The following GRK5 variants were observed in gnomAD, a reference collection of about 807,000 sequenced individuals.
The protein encoded by GRK5 is G protein-coupled receptor kinase 5.
A neutral mutation model predicts 78.4 loss-of-function variants in GRK5; 40 were observed. The observed-to-expected ratio is 0.51, with a 90% CI of 0.40 to 0.66. The LOEUF is 0.66. Among genes scored for constraint, GRK5 ranks in the 30% least tolerant of loss-of-function variants. GRK5 has a pLI of 0.00. For missense variants in GRK5, 598 were observed against 759.9 expected, an observed-to-expected ratio of 0.79 and a Z score of 2.50; for synonymous variants, 289 against 296.8, an observed-to-expected ratio of 0.97 and a Z score of 0.27.
intron 1 of GRK5, among the ~76,000 whole-genome samples, chr10:119,246,956 G>A (rs996313180): frequency 3.9e-5 from 6 of 152,286 alleles, no homozygotes; most frequent in Middle Eastern, 3.4e-3. Context: ...GCCTCGCTGA[G>A]AGCCTCTTGG....
chr10:119,387,820 C>A (rs1303774824), intron 3 of GRK5, among the ~76,000 whole-genome samples: 1 of 152,188 alleles, frequency 6.6e-6, no homozygotes, highest in East Asian at 1.9e-4. Flanking sequence ...TCACCCAGGG[C>A]ACATTTATGG....
chr10:119,375,789 C>A (rs560449170), intron 2 of GRK5, among the ~76,000 whole-genome samples: 93 of 152,258 alleles, frequency 6.1e-4, no homozygotes, highest in Non-Finnish European at 1.2e-3. Flanking sequence ...AAGAAACAAA[C>A]AACACATGTC....
chr10:119,431,348 C>G lies in GRK5; in HGVS notation c.598-39C>G. ...TGGAGGAGCTCGGGGCAGGCCTCCA[C>G]GGTGCTCCTGCCACCCTGGTTTCTT... On this transcript the variant is annotated intron_variant, in intron 7 of 15. Coordinates refer to ENST00000392870, the MANE Select transcript of GRK5 (RefSeq NM_005308.3). The surrounding 1 kb of genome is among the most constrained non-coding windows in gnomAD (Gnocchi z 4.8). 6.3e-7 allele frequency: 1 copy of G among 1,594,178 alleles called. No homozygotes were observed. Among genetic ancestry groups the G allele is most frequent in the Non-Finnish European group, 8.5e-7 (1 of 1,169,912 alleles).
intron 8 of GRK5, among the ~76,000 whole-genome samples, chr10:119,433,605 G>A (rs1852863872): frequency 6.6e-6 from 1 of 152,184 alleles, no homozygotes; most frequent in Non-Finnish European, 1.5e-5. Context: ...GCTCATCCTT[G>A]GCTGCCATTT....
intron 1 of GRK5, among the ~76,000 whole-genome samples, chr10:119,277,753 C>T (rs910210208): frequency 2.0e-5 from 3 of 152,196 alleles, no homozygotes; most frequent in African/African-American, 7.2e-5. Context: ...CCTAAGCAGC[C>T]ACTGTTCTTG....
chr10:119,233,301 C>T (rs1848861438), intron 1 of GRK5, among the ~76,000 whole-genome samples: 3 of 152,214 alleles, frequency 2.0e-5, no homozygotes, highest in Non-Finnish European at 4.4e-5. Context: ...TTGGTTCCAT[C>T]AGTGAGCACA....
chr10:119,259,113 G>T (rs1849331984), intron 1 of GRK5, among the ~76,000 whole-genome samples: 1 of 139,924 alleles, frequency 7.1e-6, no homozygotes, highest in South Asian at 2.2e-4. Flanking sequence ...CGCCCAGGCC[G>T]GACTGCAGTG....
At chr10:119,278,328 G>C (rs1407616276) in intron 1 of GRK5, among the ~76,000 whole-genome samples, 3 of 151,952 alleles carry the variant, frequency 2.0e-5, no homozygotes, top group Non-Finnish European at 4.4e-5. Flanking sequence ...TGGACAAGCA[G>C]AAGGGGAACA....
chr10:119,273,975 T>C (rs1188367291), intron 1 of GRK5, among the ~76,000 whole-genome samples: 1 of 152,216 alleles, frequency 6.6e-6, no homozygotes, highest in Non-Finnish European at 1.5e-5. Context: ...GGTTTCACCA[T>C]GTTGGCCAGG....
At chr10:119,225,409 C>T (rs1193498350) in intron 1 of GRK5, among the ~76,000 whole-genome samples, 1 of 152,100 alleles carries the variant, frequency 6.6e-6, no homozygotes, top group East Asian at 1.9e-4. Context: ...TTCAAGACAT[C>T]CCACAAGGAG....
rs556510022 is a variant in GRK5 at position 119,452,562 on chromosome 10, G to A, written c.1405-109G>A. On this transcript the variant is annotated intron_variant, in intron 13 of 15. Transcript: ENST00000392870. The surrounding 1 kb of genome is among the most constrained non-coding windows in gnomAD (Gnocchi z 4.4). ...GCCACTACCCATAGCAGTTCTGGGG[G>A]TGTGTCCTGGGAAGACTCCCTTCTG... The A allele has an allele frequency of 1.6e-5, 21 of 1,300,204 alleles. No individual in the cohort carries two copies. The Middle Eastern group carries it at 9.1e-4, about 56-fold the overall frequency. 80.5% of individuals were successfully genotyped at this position (1,300,204 alleles called of 1,614,324 possible). A position where few individuals can be genotyped will look rare whatever the true frequency, so the allele number is the denominator to read the frequency against.
chr10:119,342,577 C>T (rs562525048), intron 2 of GRK5, among the ~76,000 whole-genome samples: 3 of 152,194 alleles, frequency 2.0e-5, no homozygotes, highest in African/African-American at 4.8e-5. Flanking sequence ...CGTTCATCAT[C>T]GTGGTTGTCA....
chr10:119,420,331 G>T (rs1852542034), intron 4 of GRK5, among the ~76,000 whole-genome samples: 1 of 111,390 alleles, frequency 9.0e-6, no homozygotes, highest in South Asian at 3.1e-4. Flanking sequence ...AGAAAAGTTT[G>T]CTACTAAAAC....
At chr10:119,354,559 G>A (rs2133802238) in intron 2 of GRK5, among the ~76,000 whole-genome samples, 1 of 152,108 alleles carries the variant, frequency 6.6e-6, no homozygotes, top group East Asian at 1.9e-4. Context: ...ACACCGCCAT[G>A]CCTGGCTAAT....
At chr10:119,449,971 G>A (rs1252608057) in intron 13 of GRK5, among the ~76,000 whole-genome samples, 7 of 152,148 alleles carry the variant, frequency 4.6e-5, no homozygotes, top group African/African-American at 1.7e-4. Flanking sequence ...GTAAGACTCG[G>A]GCTTCAGGAG....
chr10:119,453,113 C>A (rs376873764), intron 14 of GRK5, 32 bp from the exon 15 acceptor site: 7 of 1,380,526 alleles, frequency 5.1e-6, no homozygotes, highest in Non-Finnish European at 7.2e-6. Context: ...CCCCAGTTGA[C>A]GGCCTGTGTT....
chr10:119,253,051 G>A lies in GRK5; in HGVS notation c.52+45082G>A, dbSNP rs1449781804. Among the ~76,000 whole-genome samples, 1 of 152,148 alleles carries A rather than the reference G, an allele frequency of 6.6e-6. No homozygotes were observed. The highest frequency in any genetic ancestry group is 1.5e-5 in the Non-Finnish European group (1 of 68,032). On this transcript the variant is annotated intron_variant, in intron 1 of 15. Transcript: ENST00000392870. The surrounding 1 kb of genome is among the most constrained non-coding windows in gnomAD (Gnocchi z 5.7). ...CTAGCCACACTGGAGAGGGGACAGT[G>A]CCCTGGTTTTCCTGATACGCCCCCT... is the stretch of plus-strand genomic sequence containing the variant.
At chr10:119,335,431 T>A (rs1052423056) in intron 2 of GRK5, among the ~76,000 whole-genome samples, 6 of 152,090 alleles carry the variant, frequency 3.9e-5, no homozygotes, top group African/African-American at 1.4e-4. Flanking sequence ...TGGTGTAATC[T>A]TGGCTCATTG....
At chr10:119,316,247 G>C (rs952888897) in intron 1 of GRK5, among the ~76,000 whole-genome samples, 14 of 152,214 alleles carry the variant, frequency 9.2e-5, no homozygotes, top group Non-Finnish European at 8.8e-5. Context: ...TCAAACTCTA[G>C]AGTCACCTGT....
Sources: allele counts gnomAD v4.1 joint callset (sites outside exome capture counted in the v4.1 genomes callset), GRCh38; gene constraint gnomAD v4.1.1; non-coding constraint Gnocchi (gnomAD v3.1); transcripts MANE v1.5; gene names NCBI Gene and HGNC (gene_info 2026-07-23, HGNC 2026-07-21).